Variants in DMD observed in about 807,000 individuals in gnomAD.
DMD encodes dystrophin, also known as mutant dystrophin.
Under a neutral mutation model 330.1 loss-of-function variants are expected in DMD, and 63 were observed. The ratio of observed to expected loss-of-function variants is 0.19; its 90% confidence interval spans 0.16 to 0.24. The LOEUF is 0.24. DMD is among the 10% of genes least tolerant of loss of function. The pLI, the probability that DMD is intolerant of heterozygous loss-of-function variation, is 1.00. For missense variants in DMD, 3,344 were observed against 2,684.1 expected (o/e 1.25, Z -5.43); for synonymous variants, 1,223 against 959.8 (o/e 1.27, Z -5.07).
intron 1 of DMD, among the ~76,000 whole-genome samples, chrX:33,282,384 C>T (rs973117323): frequency 9.0e-6 from 1 of 111,296 alleles, no homozygotes; most frequent in Non-Finnish European, 1.9e-5. Context: ...TCTTCTAGTA[C>T]CCTGTGGCTG....
chrX:32,749,148 A>T (rs940678799), intron 7 of DMD, among the ~76,000 whole-genome samples: 1 of 111,953 alleles, frequency 8.9e-6, no homozygotes, highest in Admixed American at 9.5e-5. Context: ...TGTAAGCCAA[A>T]ATCTAAGGTG....
intron 12 of DMD, among the ~76,000 whole-genome samples, chrX:32,601,789 T>G (rs1451464375): frequency 2.7e-5 from 3 of 112,023 alleles, no homozygotes; most frequent in Admixed American, 9.5e-5. Context: ...ATAATAAAAC[T>G]GCCTATTTCT....
At chrX:32,655,224 T>C (rs111901844) in intron 9 of DMD, among the ~76,000 whole-genome samples, 3 of 111,850 alleles carry the variant, frequency 2.7e-5, no homozygotes, top group Non-Finnish European at 5.6e-5. Context: ...TTTTAATTGT[T>C]ATGTTAGGGT....
intron 62 of DMD, among the ~76,000 whole-genome samples, chrX:31,284,581 C>CTTCTTCTTCTTCTTCCTTCT (rs2052960704): frequency 1.1e-5 from 1 of 95,069 alleles, no homozygotes; most frequent in African/African-American, 4.2e-5. Flanking sequence ...TCTTCTTCTT[C>CTTCTTCTTCTTCTTCCTTCT]TTCTTCTTCT....
chrX:32,297,263 AT>A (rs1474302293), intron 42 of DMD, among the ~76,000 whole-genome samples: 12 of 102,109 alleles, frequency 1.2e-4, no homozygotes, highest in South Asian at 4.2e-4. Flanking sequence ...TTATTTATTT[AT>A]TTATTTATTA....
At chrX:32,745,993 T>C (rs2069955219) in intron 7 of DMD, among the ~76,000 whole-genome samples, 1 of 112,046 alleles carries the variant, frequency 8.9e-6, no homozygotes, top group East Asian at 2.8e-4. Context: ...ACTTTTAAAT[T>C]GTTAAACATC....
At chrX:32,881,452 G>T (rs147591582) in intron 2 of DMD, among the ~76,000 whole-genome samples, 3,490 of 111,810 alleles carry the variant, frequency 0.031, 54 homozygotes, top group Non-Finnish European at 0.046. Context: ...TCTTGGAAAA[G>T]TAAAAAATAT....
chrX:32,334,553 T>C (rs1020479552), intron 41 of DMD, among the ~76,000 whole-genome samples: 1 of 111,831 alleles, frequency 8.9e-6, no homozygotes, highest in Admixed American at 9.6e-5. Context: ...GCTCAGACAT[T>C]ATTTTACATA....
At chrX:32,229,026 T>C (rs1218077055) in intron 43 of DMD, among the ~76,000 whole-genome samples, 1 of 111,480 alleles carries the variant, frequency 9.0e-6, no homozygotes, top group Admixed American at 9.6e-5. Context: ...TGTATGTTTC[T>C]AATCAGGAAT....
intron 47 of DMD, among the ~76,000 whole-genome samples, chrX:31,908,147 G>A (rs979377706): frequency 8.9e-6 from 1 of 112,316 alleles, no homozygotes; most frequent in African/African-American, 3.2e-5. Context: ...CATTGTGGAA[G>A]ACAGTGTGGC....
intron 13 of DMD, among the ~76,000 whole-genome samples, chrX:32,585,524 A>T (rs2054145058): frequency 9.3e-6 from 1 of 107,457 alleles, no homozygotes; most frequent in African/African-American, 3.4e-5. Flanking sequence ...ACACAGTGAA[A>T]CCCATCTCTA....
intron 71 of DMD, among the ~76,000 whole-genome samples, chrX:31,173,859 C>G (rs1421311878): frequency 8.9e-6 from 1 of 111,873 alleles, no homozygotes; most frequent in South Asian, 3.7e-4. Context: ...AAATTCCCAT[C>G]GTAGAAAAGG....
chrX:32,863,265 C>T (rs2082205927), intron 2 of DMD, among the ~76,000 whole-genome samples: 1 of 109,765 alleles, frequency 9.1e-6, no homozygotes, highest in Admixed American at 9.7e-5. Flanking sequence ...GCCTGTAACC[C>T]CAGTACTTTG....
At chrX:31,675,672 T>C (rs954296146) in intron 53 of DMD, among the ~76,000 whole-genome samples, 5 of 111,375 alleles carry the variant, frequency 4.5e-5, no homozygotes, top group African/African-American at 1.6e-4. Flanking sequence ...CACCATTCTT[T>C]TTTTCTAAAT....
chrX:32,179,770 A>G (rs1053252129), intron 44 of DMD, among the ~76,000 whole-genome samples: 7 of 111,301 alleles, frequency 6.3e-5, no homozygotes, highest in African/African-American at 2.0e-4. Flanking sequence ...GGAGCTAAAT[A>G]CTTGTGCTGT....
At chrX:32,432,153 A>G (rs921231180) in intron 29 of DMD, among the ~76,000 whole-genome samples, 1 of 111,843 alleles carries the variant, frequency 8.9e-6, no homozygotes, top group African/African-American at 3.2e-5. Context: ...ACTCACAGTG[A>G]GAAGACAGAT....
At chrX:31,252,795 T>C (rs1484448190) in intron 63 of DMD, among the ~76,000 whole-genome samples, 2 of 111,662 alleles carry the variant, frequency 1.8e-5, no homozygotes, top group African/African-American at 3.3e-5. Context: ...GGGTGGATCA[T>C]GAGGTCAAGA....
chrX:32,885,844 A>AAAC (rs2084502230), intron 2 of DMD, among the ~76,000 whole-genome samples: 1 of 108,310 alleles, frequency 9.2e-6, no homozygotes, highest in African/African-American at 3.4e-5. Context: ...AAAAAAAAAA[A>AAAC]AAAAACCTTT....
chrX:32,916,517 G>A (rs1237479684), intron 2 of DMD, among the ~76,000 whole-genome samples: 5 of 111,548 alleles, frequency 4.5e-5, no homozygotes, highest in Non-Finnish European at 7.5e-5. Context: ...TCTGACAGTA[G>A]GTGATACCAT....
Sources: allele counts gnomAD v4.1 joint callset (sites outside exome capture counted in the v4.1 genomes callset), GRCh38; gene constraint gnomAD v4.1.1; transcripts MANE v1.5; gene names NCBI Gene and HGNC (gene_info 2026-07-23, HGNC 2026-07-21).